Variants in XPO7 observed in about 807,000 individuals in gnomAD.
The protein encoded by XPO7 is exportin-7.
In XPO7, 21 loss-of-function variants were observed where a neutral mutation model predicts 144.3. The observed-to-expected ratio is 0.15, with a 90% CI of 0.10 to 0.21. The LOEUF is 0.21. Ranked by LOEUF, XPO7 falls within the 10% of genes least tolerant of loss-of-function variation. The pLI is 1.00. For synonymous variants in XPO7, 580 were observed against 499.6 expected, an observed-to-expected ratio of 1.16 and a Z score of -2.15; for missense variants, 808 against 1,325.8, an observed-to-expected ratio of 0.61 and a Z score of 6.06.
At chr8:21,957,935 C>T (rs1306636410) in intron 1 of XPO7, among the ~76,000 whole-genome samples, 13 of 151,712 alleles carry the variant, frequency 8.6e-5, no homozygotes, top group Non-Finnish European at 1.2e-4. Context: ...GTTGGTAATT[C>T]CACTGCTTAA....
intron 1 of XPO7, among the ~76,000 whole-genome samples, chr8:21,938,587 T>C (rs1810892184): frequency 6.6e-6 from 1 of 152,170 alleles, no homozygotes; most frequent in Admixed American, 6.5e-5. Flanking sequence ...CATTTACATA[T>C]TAGGTTCACC....
chr8:21,961,563 A>G (rs1432551310), intron 1 of XPO7, among the ~76,000 whole-genome samples: 2 of 152,118 alleles, frequency 1.3e-5, no homozygotes, highest in Non-Finnish European at 2.9e-5. Context: ...TATTTGAATC[A>G]GTTCAGACTA....
chr8:21,930,989 C>T (rs576241521), intron 1 of XPO7, among the ~76,000 whole-genome samples: 3 of 151,414 alleles, frequency 2.0e-5, no homozygotes, highest in South Asian at 2.1e-4. Context: ...ACTACAGGCA[C>T]GCACCACCAT....
At chr8:21,990,123 A>G (rs574861149) in intron 16 of XPO7, among the ~76,000 whole-genome samples, 2 of 152,088 alleles carry the variant, frequency 1.3e-5, no homozygotes, top group East Asian at 3.9e-4. Context: ...TGCTGGGATT[A>G]CAGGCGTGAG....
At chr8:21,996,570 A>G (rs1423953039) in intron 21 of XPO7, among the ~76,000 whole-genome samples, 2 of 152,208 alleles carry the variant, frequency 1.3e-5, no homozygotes, top group African/African-American at 4.8e-5. Flanking sequence ...TGAGAAGGAT[A>G]TGATAGATAT....
chr8:21,942,125 C>T (rs1326578056), intron 1 of XPO7, among the ~76,000 whole-genome samples: 1 of 152,106 alleles, frequency 6.6e-6, no homozygotes, highest in Admixed American at 6.5e-5. Flanking sequence ...AATAGTTTTC[C>T]TAAGTATTTC....
At chr8:21,971,171 C>T (rs1220303389) in intron 4 of XPO7, among the ~76,000 whole-genome samples, 1 of 152,182 alleles carries the variant, frequency 6.6e-6, no homozygotes, top group Non-Finnish European at 1.5e-5. Context: ...ATAGCCTGTA[C>T]CATACAGCCT....
chr8:22,004,036 T>C lies in XPO7; in HGVS notation c.3170+6T>C. The C allele has an allele frequency of 6.2e-7, 1 of 1,613,722 alleles. No homozygotes were observed. The highest frequency in any genetic ancestry group is 1.1e-5 in the South Asian group (1 of 91,052). Reference sequence around the variant, plus strand: ...CTTACGAAAAACAGAGACAGGTGAGTATAAAGCGTCCTGCCTAGAAATCTC... The same window carrying C: ...CTTACGAAAAACAGAGACAGGTGAGCATAAAGCGTCCTGCCTAGAAATCTC... On this transcript the variant is annotated splice_donor_region_variant and intron_variant, in intron 27 of 27. Coordinates refer to ENST00000252512, the MANE Select transcript of XPO7 (RefSeq NM_015024.5).
chr8:21,974,639 C>T lies in XPO7; in HGVS notation c.493-31C>T, dbSNP rs751949180. 9 of 1,482,458 alleles carry T rather than the reference C, an allele frequency of 6.1e-6. No homozygotes were observed. The East Asian group carries it at 2.2e-4, about 36-fold the overall frequency. 91.8% of individuals were successfully genotyped at this position (1,482,458 alleles called of 1,614,324 possible). On this transcript the variant is annotated intron_variant, in intron 5 of 27. Transcript: ENST00000252512. ...AAAAATTCTTTTTTTGCAATTAATT[C>T]TTTGCATTGGTTTCTTCTTTTTCTG...
At chr8:21,933,922 T>G (rs1273431546) in intron 1 of XPO7, among the ~76,000 whole-genome samples, 1 of 152,196 alleles carries the variant, frequency 6.6e-6, no homozygotes, top group Non-Finnish European at 1.5e-5. Context: ...TTAGAGATAA[T>G]GTATGAATTT....
intron 12 of XPO7, 92 bp downstream of exon 12, chr8:21,984,931 C>T: frequency 1.5e-6 from 2 of 1,348,008 alleles, no homozygotes; most frequent in Non-Finnish European, 2.0e-6. Flanking sequence ...TACCTCCCTG[C>T]AAAAGGATTC....
chr8:21,951,985 A>C (rs1811389007), intron 1 of XPO7, among the ~76,000 whole-genome samples: 1 of 152,206 alleles, frequency 6.6e-6, no homozygotes, highest in African/African-American at 2.4e-5. Flanking sequence ...GTAAAAATCC[A>C]GTACCATCCC....
chr8:22,006,312 G>C lies in XPO7; in HGVS notation c.*1224G>C, dbSNP rs1042321973. 1 of 152,148 alleles carries C rather than the reference G, an allele frequency of 6.6e-6. No homozygotes were observed. The highest frequency in any genetic ancestry group is 1.5e-5 in the Non-Finnish European group (1 of 68,028). 9.4% of individuals were successfully genotyped at this position (152,148 alleles called of 1,614,324 possible). ...CTACAGAGGAAAATTAATGGAGACAGCTATTTGCCTTGTACTTTTTCCACA... is the reference window on the plus strand; with the variant it reads ...CTACAGAGGAAAATTAATGGAGACACCTATTTGCCTTGTACTTTTTCCACA... On this transcript the variant is annotated 3_prime_UTR_variant, in exon 28 of 28. Transcript: ENST00000252512.
At chr8:21,990,992 C>A in intron 18 of XPO7, 73 bp downstream of exon 18, 1 of 1,394,198 alleles carries the variant, frequency 7.2e-7, no homozygotes, top group Non-Finnish European at 1.0e-6. Flanking sequence ...GGACTGAAAA[C>A]TAGATGTTGG....
At chr8:21,994,527 G>A (rs777007661) in intron 20 of XPO7, 76 bp downstream of exon 20, 36 of 1,358,364 alleles carry the variant, frequency 2.7e-5, no homozygotes, top group Admixed American at 1.2e-4. Context: ...GTCCAGAGAC[G>A]GTGTAGGGGG....
chr8:21,976,412 A>C lies in XPO7; in HGVS notation c.654A>C (p.Gln218His), dbSNP rs368637216. 1 of 1,613,874 alleles carries C rather than the reference A, an allele frequency of 6.2e-7. No individual in the cohort carries two copies. Among genetic ancestry groups the C allele is most frequent in the African/African-American group, 1.3e-5 (1 of 74,912 alleles). Residue 218 changes from glutamine (Q) to histidine (H), a missense_variant, in exon 7 of 28, where the codon CAA (glutamine) becomes CAC (histidine). Physicochemically the swap from Gln to His is conservative, Grantham distance 24 (BLOSUM62 0). Transcript: ENST00000252512. ...NDESQHGLLM[Q>H]LLKLTHNCLN... is the part of the protein sequence containing the mutation. ...AAAGTCAGCATGGCTTGCTCATGCAACTGCTCAAGCTCACTCATAACTGCC... is the reference window on the plus strand; with the variant it reads ...AAAGTCAGCATGGCTTGCTCATGCACCTGCTCAAGCTCACTCATAACTGCC...
At chr8:21,980,454 G>T (rs1812366757) in intron 9 of XPO7, among the ~76,000 whole-genome samples, 1 of 152,156 alleles carries the variant, frequency 6.6e-6, no homozygotes, top group Non-Finnish European at 1.5e-5. Context: ...GAAGAAGCTA[G>T]TCATTTTTCC....
Position 21,919,754 on chromosome 8 carries a change from A to G in XPO7, c.-17A>G. On this transcript the variant is annotated 5_prime_UTR_variant, in exon 1 of 28. Coordinates refer to ENST00000252512, the MANE Select transcript of XPO7 (RefSeq NM_015024.5). ...TGGGGGGGAGGGGGGGCCGGAGAGG[A>G]GCATGAATGGAGCAAAATGGCGGAT... 1 of 532,808 alleles carries G rather than the reference A, an allele frequency of 1.9e-6. No individual in the cohort carries two copies. 33.0% of individuals were successfully genotyped at this position (532,808 alleles called of 1,614,324 possible).
rs143291158 is a variant in XPO7, at chr8:21,981,603, C to T, written c.958-128C>T. 732 of 1,145,250 alleles carry T rather than the reference C, an allele frequency of 6.4e-4. 5 individuals carry two copies. The African/African-American group carries it at 0.01, about 16-fold the overall frequency. The allele number at this position is 1,145,250 out of a possible 1,614,324, so 70.9% of individuals were successfully genotyped here. ...ATTATGCAGACGTATCATTCTGAAT[C>T]ATGACCTGCAGCCCAGAAGTTAAAA... On this transcript the variant is annotated intron_variant, in intron 9 of 27. Coordinates refer to ENST00000252512, the MANE Select transcript of XPO7 (RefSeq NM_015024.5).
Sources: allele counts gnomAD v4.1 joint callset (sites outside exome capture counted in the v4.1 genomes callset), GRCh38; gene constraint gnomAD v4.1.1; transcripts MANE v1.5; gene names NCBI Gene and HGNC (gene_info 2026-07-23, HGNC 2026-07-21).